The following CNTNAP2 variants were observed in gnomAD, a reference collection of about 807,000 sequenced individuals.
CNTNAP2 encodes contactin associated protein 2.
CNTNAP2 carries 98 observed loss-of-function variants against 155.2 expected under a neutral mutation model. The ratio of observed to expected loss-of-function variants is 0.63; its 90% CI spans 0.54 to 0.75. The LOEUF (loss-of-function observed/expected upper bound fraction) is 0.75, where lower values mean the gene tolerates loss of function less well. Among genes scored for constraint, CNTNAP2 ranks in the 30% least tolerant of loss-of-function variants. The pLI is 0.00. For missense variants in CNTNAP2, 1,727 were observed against 1,688.1 expected, an observed-to-expected ratio of 1.02 and a Z score of -0.40; for synonymous variants, 651 against 631.2, an observed-to-expected ratio of 1.03 and a Z score of -0.47.
At chr7:148,099,421 T>TTGTG (rs35957905) in intron 15 of CNTNAP2, among the ~76,000 whole-genome samples, 5,806 of 140,954 alleles carry the variant, frequency 0.041, 158 homozygotes, top group African/African-American at 0.062. Flanking sequence ...AGCATTGCAA[T>TTGTG]TGTGTGTGTG....
chr7:146,543,974 G>A (rs938842528), intron 1 of CNTNAP2, among the ~76,000 whole-genome samples: 32 of 152,016 alleles, frequency 2.1e-4, no homozygotes, highest in African/African-American at 7.7e-4. Context: ...ATCTGATTAT[G>A]AAGTCTTCAT....
intron 1 of CNTNAP2, among the ~76,000 whole-genome samples, chr7:146,726,053 G>A (rs1042409653): frequency 9.9e-5 from 15 of 152,096 alleles, no homozygotes; most frequent in Non-Finnish European, 2.2e-4. Context: ...TACTTTGGGT[G>A]GACACAATAA....
chr7:147,070,936 A>AGT lies in CNTNAP2; in HGVS notation c.550+26901_550+26902dup, dbSNP rs559952405. 6.7e-3 allele frequency among the ~76,000 whole-genome samples: 1,003 copies of AGT among 150,562 alleles called. 7 individuals carry two copies. The highest frequency in any genetic ancestry group is 0.022 in the South Asian group (107 of 4,756). ...TAATTAAAGGAAATTTACCACTGGC[A>AGT]GTGTGTGTGTGTGTGTGTGTATTTG... On this transcript the variant is annotated intron_variant, in intron 4 of 23. Coordinates refer to ENST00000361727, the MANE Select transcript of CNTNAP2 (RefSeq NM_014141.6).
At chr7:148,197,973 G>A (rs1795303525) in intron 18 of CNTNAP2, among the ~76,000 whole-genome samples, 1 of 152,182 alleles carries the variant, frequency 6.6e-6, no homozygotes, top group Non-Finnish European at 1.5e-5. Flanking sequence ...CTCTAAAAAG[G>A]CTAAAAGGTT....
intron 9 of CNTNAP2, among the ~76,000 whole-genome samples, chr7:147,356,904 G>T (rs1156431149): frequency 6.6e-6 from 1 of 152,018 alleles, no homozygotes; most frequent in Admixed American, 6.6e-5. Context: ...CTGCAAGTTG[G>T]AACCAAACTG....
chr7:146,953,940 G>A (rs1275002207), intron 3 of CNTNAP2, among the ~76,000 whole-genome samples: 1 of 151,964 alleles, frequency 6.6e-6, no homozygotes, highest in Non-Finnish European at 1.5e-5. Flanking sequence ...ATTAAAGGCA[G>A]TAGGGCACAC....
chr7:147,559,350 G>T (rs1800015536), intron 11 of CNTNAP2, among the ~76,000 whole-genome samples: 1 of 152,174 alleles, frequency 6.6e-6, no homozygotes, highest in Non-Finnish European at 1.5e-5. Flanking sequence ...AGAAAGACCT[G>T]TTAGGATAAC....
chr7:147,520,956 G>A lies in CNTNAP2; in HGVS notation c.1777+34915G>A, dbSNP rs574541895. ...CCTCCAAAGGGATAGCTCTTCTGTTGCTAATGACTAGCATGAGGGTTGGTA... is the reference window on the plus strand; with the variant it reads ...CCTCCAAAGGGATAGCTCTTCTGTTACTAATGACTAGCATGAGGGTTGGTA... On this transcript the variant is annotated intron_variant, in intron 11 of 23. Coordinates refer to ENST00000361727, the MANE Select transcript of CNTNAP2 (RefSeq NM_014141.6). 2.6e-5 allele frequency among the ~76,000 whole-genome samples: 4 copies of A among 152,294 alleles called. No individual in the cohort carries two copies. The East Asian group carries it at 7.7e-4, about 29-fold the overall frequency.
At chr7:147,997,142 C>A (rs1384030987) in intron 15 of CNTNAP2, among the ~76,000 whole-genome samples, 3 of 152,206 alleles carry the variant, frequency 2.0e-5, no homozygotes, top group East Asian at 1.9e-4. Context: ...AAATAAATTT[C>A]TGTTTTTCAT....
intron 8 of CNTNAP2, among the ~76,000 whole-genome samples, chr7:147,275,415 T>TTGTG (rs140379075): frequency 0.016 from 2,447 of 148,614 alleles, 61 homozygotes; most frequent in Admixed American, 0.062. Context: ...TTGTGTATGT[T>TTGTG]TGTGTGTGTG....
intron 14 of CNTNAP2, among the ~76,000 whole-genome samples, chr7:147,924,297 C>G (rs1800344271): frequency 6.6e-6 from 1 of 151,900 alleles, no homozygotes; most frequent in Non-Finnish European, 1.5e-5. Context: ...TACCACAATG[C>G]CCGGCTAATT....
At chr7:148,307,561 A>G (rs959451485) in intron 21 of CNTNAP2, among the ~76,000 whole-genome samples, 1 of 152,174 alleles carries the variant, frequency 6.6e-6, no homozygotes, top group East Asian at 1.9e-4. Flanking sequence ...ATATCTTAAC[A>G]CTTCATTCCC....
intron 10 of CNTNAP2, among the ~76,000 whole-genome samples, chr7:147,461,075 T>C (rs890753092): frequency 3.3e-5 from 5 of 152,204 alleles, no homozygotes; most frequent in African/African-American, 1.2e-4. Flanking sequence ...AGACTCTCAA[T>C]TGCTTTTTAA....
At chr7:146,395,779 TGATA>T (rs1554427700) in intron 1 of CNTNAP2, among the ~76,000 whole-genome samples, 6,900 of 121,592 alleles carry the variant, frequency 0.057, 256 homozygotes, top group East Asian at 0.16. Flanking sequence ...GATAGACAGA[TGATA>T]GATAGATAGA....
chr7:146,456,974 T>A (rs1307294722), intron 1 of CNTNAP2, among the ~76,000 whole-genome samples: 1 of 151,928 alleles, frequency 6.6e-6, no homozygotes, highest in African/African-American at 2.4e-5. Flanking sequence ...CATATAAAAA[T>A]TTTTATGTAA....
At chr7:147,894,819 T>G (rs1032001280) in intron 13 of CNTNAP2, among the ~76,000 whole-genome samples, 2 of 152,084 alleles carry the variant, frequency 1.3e-5, no homozygotes, top group Non-Finnish European at 2.9e-5. Flanking sequence ...GAACACATTT[T>G]GAAAATCACA....
chr7:147,695,020 T>C (rs1343881194), intron 13 of CNTNAP2, among the ~76,000 whole-genome samples: 3 of 152,216 alleles, frequency 2.0e-5, no homozygotes, highest in Non-Finnish European at 2.9e-5. Context: ...TCCCACACAT[T>C]TTGATAAGTT....
chr7:148,005,429 G>C (rs1801958309), intron 15 of CNTNAP2, among the ~76,000 whole-genome samples: 1 of 152,168 alleles, frequency 6.6e-6, no homozygotes. Flanking sequence ...GATAAGGGGT[G>C]CTGTGCAGAC....
intron 4 of CNTNAP2, among the ~76,000 whole-genome samples, chr7:147,093,896 GA>G (rs199909100): frequency 2.0e-5 from 3 of 151,486 alleles, no homozygotes; most frequent in African/African-American, 7.3e-5. Context: ...ACTTTAAAAG[GA>G]AAAAAAATAG....
Sources: gnomAD v4.1 joint callset for allele counts (sites outside exome capture counted in the v4.1 genomes callset) on GRCh38, gnomAD v4.1.1 for gene constraint, MANE v1.5 for transcripts, NCBI Gene and HGNC (gene_info 2026-07-23, HGNC 2026-07-21) for gene names.